KATNAL2: variants seen among roughly 807,000 people sequenced by gnomAD.
KATNAL2 encodes katanin catalytic subunit A1 like 2.
Under a neutral mutation model 76.3 loss-of-function variants are expected in KATNAL2, and 52 were observed. That is an observed-to-expected ratio of 0.68 (90% CI 0.55 to 0.86). The LOEUF (loss-of-function observed/expected upper bound fraction) is 0.86, where lower values mean the gene tolerates loss of function less well. KATNAL2 is among the 40% of genes least tolerant of loss of function. KATNAL2 has a pLI of 0.00. For synonymous variants in KATNAL2, 243 were observed against 244.2 expected (o/e 1.00, Z 0.05); for missense variants, 660 against 668.9 (o/e 0.99, Z 0.15).
At position 47,034,820 on chromosome 18, in the gene KATNAL2, G is replaced by A. The variant is rs1351919788; in HGVS notation, c.52-11637G>A. ...CACTTTCTCTCAGCTCTGGGCTCGC[G>A]ACTGTGAGACCTCGGGTGAGGTCTC... On this transcript the variant is annotated intron_variant, in intron 3 of 17. Coordinates refer to ENST00000683218, the MANE Select transcript of KATNAL2 (RefSeq NM_001387690.1). 3 of 1,612,122 alleles carry A rather than the reference G, an allele frequency of 1.9e-6. No individual in the cohort carries two copies. The highest frequency in any genetic ancestry group is 2.2e-5 in the East Asian group (1 of 44,870).
intron 1 of KATNAL2, among the ~76,000 whole-genome samples, chr18:46,930,929 G>A (rs2146548308): frequency 6.6e-6 from 1 of 151,232 alleles, no homozygotes; most frequent in Admixed American, 6.6e-5. Flanking sequence ...GGTGAAACCT[G>A]GTCTCTCCTA....
At chr18:46,930,275 TC>T (rs1453050357) in intron 1 of KATNAL2, among the ~76,000 whole-genome samples, 7 of 152,358 alleles carry the variant, frequency 4.6e-5, no homozygotes, top group African/African-American at 1.7e-4. Flanking sequence ...TTGTCTTCTT[TC>T]TATTTTGCCA....
At chr18:47,071,953 CTTTTTTTTTTTTTTT>C (rs574265545) in intron 13 of KATNAL2, among the ~76,000 whole-genome samples, 1,198 of 43,876 alleles carry the variant, frequency 0.027, 12 homozygotes, top group East Asian at 0.17. Context: ...CCAATTTCTT[CTTTTTTTTTTTTTTT>C]TTTTTTTTTT....
intron 1 of KATNAL2, chr18:46,920,131 G>A (rs189027599): frequency 1.2e-3 from 1,477 of 1,276,448 alleles, no homozygotes; most frequent in Non-Finnish European, 1.3e-3. Context: ...CTCCTGGATG[G>A]GTTGGGTAGG....
intron 3 of KATNAL2, among the ~76,000 whole-genome samples, chr18:47,031,519 A>G (rs942337885): frequency 2.6e-5 from 4 of 152,074 alleles, no homozygotes; most frequent in Non-Finnish European, 5.9e-5. Context: ...TCGGGTGTTA[A>G]GCCTTTTCTT....
chr18:46,942,658 T>C (rs2146636505), intron 1 of KATNAL2, among the ~76,000 whole-genome samples: 1 of 152,252 alleles, frequency 6.6e-6, no homozygotes, highest in South Asian at 2.1e-4. Context: ...TGTTCTATTA[T>C]AATATCTTCT....
intron 3 of KATNAL2, among the ~76,000 whole-genome samples, chr18:47,031,285 A>G (rs1373704117): frequency 6.6e-6 from 1 of 151,652 alleles, no homozygotes. Context: ...GCGGAGTTCC[A>G]CTCTTACCTT....
intron 1 of KATNAL2, among the ~76,000 whole-genome samples, chr18:46,918,668 C>G (rs530086252): frequency 1.4e-4 from 22 of 152,152 alleles, no homozygotes; most frequent in Admixed American, 1.4e-3. Flanking sequence ...GTGATCCGCC[C>G]GCCTCGGCCT....
chr18:47,089,742 G>C (rs987240889), intron 15 of KATNAL2, among the ~76,000 whole-genome samples: 1 of 152,102 alleles, frequency 6.6e-6, no homozygotes, highest in Non-Finnish European at 1.5e-5. Flanking sequence ...AGTTGATGCG[G>C]CTTTTCTCTA....
intron 4 of KATNAL2, among the ~76,000 whole-genome samples, chr18:47,050,823 G>C (rs1013758871): frequency 1.3e-5 from 2 of 152,172 alleles, no homozygotes; most frequent in Admixed American, 1.3e-4. Flanking sequence ...GACGTGAGCT[G>C]GACTTAAAAG....
At chr18:47,051,906 G>C (rs1440557633) in intron 4 of KATNAL2, among the ~76,000 whole-genome samples, 2 of 152,156 alleles carry the variant, frequency 1.3e-5, no homozygotes, top group African/African-American at 4.8e-5. Flanking sequence ...CTGAAAGAAA[G>C]AAAGAAAGAG....
intron 14 of KATNAL2, 118 bp from the exon 15 acceptor site, chr18:47,077,233 C>T (rs941862931): frequency 1.4e-6 from 1 of 696,702 alleles, no homozygotes; most frequent in East Asian, 2.6e-5. Context: ...TGAACGGCTC[C>T]ATTGGCCATC....
At chr18:47,034,043 C>T in intron 3 of KATNAL2, 1 of 1,614,206 alleles carries the variant, frequency 6.2e-7, no homozygotes, top group Non-Finnish European at 8.5e-7. Context: ...TGTTTATCTC[C>T]AAGTGCAGTG....
At chr18:47,093,702 G>A (rs2063108006) in intron 15 of KATNAL2, among the ~76,000 whole-genome samples, 1 of 151,638 alleles carries the variant, frequency 6.6e-6, no homozygotes, top group Non-Finnish European at 1.5e-5. Flanking sequence ...GTAGAGATGG[G>A]GTCTCACTGT....
chr18:47,054,472 G>A (rs767290507), intron 6 of KATNAL2, 34 bp downstream of exon 6: 15 of 1,600,098 alleles, frequency 9.4e-6, no homozygotes, highest in South Asian at 6.6e-5. Flanking sequence ...TAATCGACTC[G>A]GCTCGAGGAG....
chr18:47,065,139 T>C (rs2061750637), intron 10 of KATNAL2, among the ~76,000 whole-genome samples: 1 of 152,084 alleles, frequency 6.6e-6, no homozygotes, highest in South Asian at 2.1e-4. Flanking sequence ...ATTGTAAATA[T>C]CATGCATGAC....
chr18:46,956,168 C>T (rs2059740831), intron 3 of KATNAL2, among the ~76,000 whole-genome samples: 1 of 152,148 alleles, frequency 6.6e-6, no homozygotes, highest in African/African-American at 2.4e-5. Context: ...GGTGGCTGAG[C>T]ATGAGAGTGG....
intron 2 of KATNAL2, 96 bp from the exon 3 acceptor site, chr18:46,946,758 C>T (rs2059391011): frequency 2.4e-6 from 3 of 1,242,616 alleles, no homozygotes; most frequent in Non-Finnish European, 3.4e-6. Context: ...CGTGTCTGGG[C>T]TCTAGCCAAT....
chr18:47,053,943 A>T (rs1251134608), intron 5 of KATNAL2, among the ~76,000 whole-genome samples: 4 of 152,210 alleles, frequency 2.6e-5, no homozygotes. Flanking sequence ...CCCATCTAGC[A>T]TGATACCCAA....
Sources: gnomAD v4.1 joint callset for allele counts (sites outside exome capture counted in the v4.1 genomes callset) on GRCh38, gnomAD v4.1.1 for gene constraint, MANE v1.5 for transcripts, NCBI Gene and HGNC (gene_info 2026-07-23, HGNC 2026-07-21) for gene names.